The following CAMSAP2 variants were observed in gnomAD, a reference collection of about 807,000 sequenced individuals.
CAMSAP2 encodes calmodulin regulated spectrin associated protein family member 2.
CAMSAP2 carries 26 observed loss-of-function variants against 146.1 expected under a neutral mutation model. The observed-to-expected ratio is 0.18, with a 90% CI of 0.13 to 0.25. The LOEUF is 0.25. Among genes scored for constraint, CAMSAP2 ranks in the 10% least tolerant of loss-of-function variants. The pLI is 1.00. For synonymous variants in CAMSAP2, 499 were observed against 596.6 expected (o/e 0.84, Z 2.38); for missense variants, 1,381 against 1,759.3 (o/e 0.78, Z 3.85).
chr1:200,800,800 A>C (rs557363987), intron 2 of CAMSAP2, among the ~76,000 whole-genome samples: 22 of 152,196 alleles, frequency 1.4e-4, no homozygotes, highest in Admixed American at 1.4e-3. Context: ...AGTGGCTGGT[A>C]CTGGTTTTTC....
intron 4 of CAMSAP2, among the ~76,000 whole-genome samples, chr1:200,822,670 C>A (rs1034605752): frequency 6.6e-6 from 1 of 152,184 alleles, no homozygotes; most frequent in East Asian, 1.9e-4. Context: ...CCTCTTTTAT[C>A]CTCAGAGGAT....
intron 2 of CAMSAP2, among the ~76,000 whole-genome samples, chr1:200,777,923 A>G (rs999817142): frequency 6.6e-6 from 1 of 152,126 alleles, no homozygotes; most frequent in Non-Finnish European, 1.5e-5. Flanking sequence ...CAGGTTACAG[A>G]GCGAGAACCT....
At chr1:200,755,263 A>G (rs1343386626) in intron 1 of CAMSAP2, among the ~76,000 whole-genome samples, 1 of 152,260 alleles carries the variant, frequency 6.6e-6, no homozygotes, top group African/African-American at 2.4e-5. Flanking sequence ...ACACATATAT[A>G]CATAGTGTAT....
rs1241311123 is a variant in CAMSAP2, at chr1:200,858,811, G to A, written c.*752G>A. 1 of 152,548 alleles carries A rather than the reference G, an allele frequency of 6.6e-6. No homozygotes were observed. Among genetic ancestry groups the A allele is most frequent in the Non-Finnish European group, 1.5e-5 (1 of 67,884 alleles). 9.4% of individuals were successfully genotyped at this position (152,548 alleles called of 1,614,324 possible). ...AGAAGTTGCTGATTAAATCAGTGCT[G>A]TTTTTACACCACTTCTGGCCAACTC... On this transcript the variant is annotated 3_prime_UTR_variant, in exon 17 of 17. Coordinates refer to ENST00000358823, the MANE Select transcript of CAMSAP2 (RefSeq NM_203459.4).
chr1:200,787,689 A>G (rs2103028259), intron 2 of CAMSAP2, among the ~76,000 whole-genome samples: 1 of 152,358 alleles, frequency 6.6e-6, no homozygotes, highest in African/African-American at 2.4e-5. Flanking sequence ...CACGTTTGAA[A>G]GAAGTTCTAC....
rs1188663383 is a variant in CAMSAP2 at position 200,859,125 on chromosome 1, T to A, written c.*1066T>A. On this transcript the variant is annotated 3_prime_UTR_variant, in exon 17 of 17. Coordinates refer to ENST00000358823, the MANE Select transcript of CAMSAP2 (RefSeq NM_203459.4). ...TTTCTTCATTTTAATCCTTTTCAAG[T>A]GGAATGGCTTAGAATAAGTATACAC... 3.9e-5 allele frequency: 6 copies of A among 152,632 alleles called. No individual in the cohort carries two copies. The highest frequency in any genetic ancestry group is 8.8e-5 in the Non-Finnish European group (6 of 67,906). The allele number at this position is 152,632 out of a possible 1,614,324, so 9.5% of individuals were successfully genotyped here. A position where few individuals can be genotyped will look rare whatever the true frequency, so the allele number is the denominator to read the frequency against.
intron 3 of CAMSAP2, among the ~76,000 whole-genome samples, chr1:200,812,395 C>T (rs188969379): frequency 5.9e-5 from 9 of 152,314 alleles, no homozygotes; most frequent in Middle Eastern, 3.4e-3. Flanking sequence ...GAATGTTCAG[C>T]ACCTTTATGC....
At chr1:200,842,163 C>A in intron 7 of CAMSAP2, 76 bp downstream of exon 7, 5 of 1,052,876 alleles carry the variant, frequency 4.7e-6, no homozygotes, top group Admixed American at 2.1e-5. Context: ...TACCTGGTTA[C>A]ATTTTTAGAA....
chr1:200,742,889 G>A (rs1233004974), intron 1 of CAMSAP2, among the ~76,000 whole-genome samples: 1 of 151,892 alleles, frequency 6.6e-6, no homozygotes, highest in Non-Finnish European at 1.5e-5. Context: ...AGCAAATATG[G>A]AATATTTACT....
intron 6 of CAMSAP2, among the ~76,000 whole-genome samples, chr1:200,836,709 C>T (rs1185899253): frequency 6.6e-6 from 1 of 152,196 alleles, no homozygotes; most frequent in Non-Finnish European, 1.5e-5. Flanking sequence ...CTCCTACCAA[C>T]AGTGTGTAAA....
intron 4 of CAMSAP2, among the ~76,000 whole-genome samples, chr1:200,829,112 G>T (rs924929866): frequency 6.6e-6 from 1 of 152,118 alleles, no homozygotes; most frequent in Admixed American, 6.5e-5. Flanking sequence ...CCGAGATCGC[G>T]CCATTGCACT....
intron 4 of CAMSAP2, among the ~76,000 whole-genome samples, chr1:200,817,155 C>CATACACACACGTGTGTGTAT (rs200262113): frequency 8.7e-6 from 1 of 114,608 alleles, no homozygotes; most frequent in Non-Finnish European, 1.8e-5. Flanking sequence ...CACATACACA[C>CATACACACACGTGTGTGTAT]ATACACACAC....
At chr1:200,824,325 A>G (rs779890350) in intron 4 of CAMSAP2, among the ~76,000 whole-genome samples, 6 of 151,990 alleles carry the variant, frequency 3.9e-5, no homozygotes, top group Non-Finnish European at 7.4e-5. Context: ...TAATCCTAAA[A>G]TCAGCCATTT....
At position 200,807,482 on chromosome 1, in the gene CAMSAP2, A is replaced by C; in HGVS notation, c.506A>C (p.Gln169Pro). The change falls in exon 3 of 17, where the codon CAA becomes CCA. Residue 169 changes from glutamine to proline, a missense_variant. Gln to Pro is a moderately conservative substitution (Grantham distance 76). Coordinates refer to ENST00000358823, the MANE Select transcript of CAMSAP2 (RefSeq NM_203459.4). Reference sequence around the variant, plus strand: ...GCTCAGCAGTATTCAGCTTTTTTTCAAGCCACAGATCTGCCCTATGATATT... The same window carrying C: ...GCTCAGCAGTATTCAGCTTTTTTTCCAGCCACAGATCTGCCCTATGATATT... ...ACAQQYSAFFQATDLPYDIED... is the reference protein window; with the variant it reads ...ACAQQYSAFFPATDLPYDIED... The C allele has an allele frequency of 6.2e-7, 1 of 1,612,916 alleles. No individual in the cohort carries two copies. Among genetic ancestry groups the C allele is most frequent in the Non-Finnish European group, 8.5e-7 (1 of 1,179,452 alleles).
intron 6 of CAMSAP2, among the ~76,000 whole-genome samples, chr1:200,834,885 C>G (rs1667146779): frequency 2.0e-5 from 3 of 152,208 alleles, no homozygotes. Flanking sequence ...GCACTCCAAA[C>G]TTAGTGACAA....
intron 1 of CAMSAP2, among the ~76,000 whole-genome samples, chr1:200,752,284 T>C (rs1240604573): frequency 6.6e-6 from 1 of 152,176 alleles, no homozygotes; most frequent in Non-Finnish European, 1.5e-5. Flanking sequence ...TAAATATAGA[T>C]TCCTTCTGTG....
rs1558192008 is a variant in CAMSAP2 at position 200,817,174 on chromosome 1, A to ATACACACATACACATAAGTGTGTGTG, written c.645+1532_645+1533insCACACATACACATAAGTGTGTGTGTA. Among the ~76,000 whole-genome samples, 363 of 62,892 alleles carry ATACACACATACACATAAGTGTGTGTG rather than the reference A, an allele frequency of 5.8e-3. 2 individuals are homozygous for ATACACACATACACATAAGTGTGTGTG. The highest frequency in any genetic ancestry group is 7.3e-3 in the Non-Finnish European group (271 of 37,112). The allele number at this position is 62,892 out of a possible 152,430, so 41.3% of individuals were successfully genotyped here. On this transcript the variant is annotated intron_variant, in intron 4 of 16. Coordinates refer to ENST00000358823, the MANE Select transcript of CAMSAP2 (RefSeq NM_203459.4). Reference sequence around the variant, plus strand: ...TACACACATACACACACGTGTGTGTATATACACACACACACATGTGTGTGT... The same window carrying ATACACACATACACATAAGTGTGTGTG: ...TACACACATACACACACGTGTGTGTATACACACATACACATAAGTGTGTGTGTATACACACACACACATGTGTGTGT...
At chr1:200,829,016 G>T (rs2102209509) in intron 4 of CAMSAP2, among the ~76,000 whole-genome samples, 1 of 152,130 alleles carries the variant, frequency 6.6e-6, no homozygotes, top group East Asian at 1.9e-4. Context: ...TTAGCTGGGC[G>T]TGGTGGCGCA....
intron 1 of CAMSAP2, among the ~76,000 whole-genome samples, chr1:200,754,287 C>T (rs998485576): frequency 6.6e-6 from 1 of 152,106 alleles, no homozygotes. Flanking sequence ...GTTGTAGTCT[C>T]AGTAAATCAT....
Sources: gnomAD v4.1 joint callset for allele counts (sites outside exome capture counted in the v4.1 genomes callset) on GRCh38, gnomAD v4.1.1 for gene constraint, MANE v1.5 for transcripts, NCBI Gene and HGNC (gene_info 2026-07-23, HGNC 2026-07-21) for gene names.